NCKAP5: variants seen among roughly 807,000 people sequenced by gnomAD.
NCKAP5 encodes the protein NCK associated protein 5, also known as nck-associated protein 5.
A neutral mutation model predicts 167.0 loss-of-function variants in NCKAP5; 92 were observed. That is an observed-to-expected ratio of 0.55 (90% CI 0.47 to 0.66). The LOEUF is 0.66. NCKAP5 is among the 30% of genes least tolerant of loss of function. NCKAP5 has a pLI of 0.00. For missense variants in NCKAP5, 2,378 were observed against 2,315.0 expected (o/e 1.03, Z -0.56); for synonymous variants, 891 against 877.4 (o/e 1.02, Z -0.27).
intron 5 of NCKAP5, among the ~76,000 whole-genome samples, chr2:133,192,798 T>C (rs1003734121): frequency 1.3e-5 from 2 of 152,048 alleles, no homozygotes; most frequent in Admixed American, 6.6e-5. Flanking sequence ...ACTCATACAT[T>C]GTTGGTAGGA....
Position 133,477,111 on chromosome 2 carries a change from T to G in NCKAP5, c.69+40347A>C, listed in dbSNP as rs555960830. Among the ~76,000 whole-genome samples, 7 of 152,344 alleles carry G rather than the reference T, an allele frequency of 4.6e-5. No homozygotes were observed. In the South Asian group the frequency reaches 1.4e-3, roughly 32 times the overall value. ...TACTCCCTTATGGAGAAACTTAAGG[T>G]TGGATTAAACTATCCTAGTCAGCAA... On this transcript the variant is annotated intron_variant, in intron 3 of 19. Transcript: ENST00000409261.
chr2:132,698,634 A>G (rs1687564385), intron 19 of NCKAP5, among the ~76,000 whole-genome samples: 1 of 152,154 alleles, frequency 6.6e-6, no homozygotes, highest in East Asian at 1.9e-4. Context: ...GGAGATCAAG[A>G]CTATCCTGGC....
chr2:133,444,251 C>T (rs1280193069), intron 3 of NCKAP5, among the ~76,000 whole-genome samples: 2 of 152,024 alleles, frequency 1.3e-5, no homozygotes, highest in African/African-American at 4.8e-5. Context: ...AGACTCACAG[C>T]GTCTTAGGGC....
chr2:132,882,161 G>A (rs1558895754), intron 8 of NCKAP5, among the ~76,000 whole-genome samples: 1 of 152,148 alleles, frequency 6.6e-6, no homozygotes, highest in African/African-American at 2.4e-5. Flanking sequence ...AAAAAGAGAT[G>A]TTCTAGGACC....
chr2:133,553,246 G>T (rs1467610781), intron 2 of NCKAP5, among the ~76,000 whole-genome samples: 1 of 152,194 alleles, frequency 6.6e-6, no homozygotes, highest in African/African-American at 2.4e-5. Flanking sequence ...TTAAGCACAG[G>T]CAGTAAATCG....
chr2:133,106,184 T>C (rs554993679), intron 6 of NCKAP5, among the ~76,000 whole-genome samples: 12 of 143,778 alleles, frequency 8.3e-5, no homozygotes, highest in Admixed American at 5.0e-4. Context: ...TCCCAGCTAC[T>C]CGGGAGGCTG....
intron 16 of NCKAP5, among the ~76,000 whole-genome samples, chr2:132,766,602 G>T (rs1179560764): frequency 6.6e-6 from 1 of 152,158 alleles, no homozygotes; most frequent in Non-Finnish European, 1.5e-5. Context: ...TTCTATTAGG[G>T]CTTTGATACA....
intron 6 of NCKAP5, among the ~76,000 whole-genome samples, chr2:133,111,722 C>T (rs994263092): frequency 6.6e-6 from 1 of 152,206 alleles, no homozygotes; most frequent in African/African-American, 2.4e-5. Context: ...ATCCAGATAG[C>T]TGTTTCTTTC....
At chr2:133,636,140 G>A in the NCKAP5 span, among the ~76,000 whole-genome samples, 1 of 152,160 alleles carries the variant, frequency 6.6e-6, no homozygotes, top group East Asian at 1.9e-4. Context: ...GTACTGTGGC[G>A]ATAAAAAACT....
At chr2:133,045,947 T>G (rs57006946) in intron 6 of NCKAP5, among the ~76,000 whole-genome samples, 4 of 152,124 alleles carry the variant, frequency 2.6e-5, no homozygotes, top group Non-Finnish European at 5.9e-5. Context: ...GACAGTTGAT[T>G]TGATAAGCAC....
At chr2:133,656,852 A>G in the NCKAP5 span, among the ~76,000 whole-genome samples, 38 of 152,092 alleles carry the variant, frequency 2.5e-4, no homozygotes, top group East Asian at 7.4e-3. Flanking sequence ...GTGATTTGTG[A>G]GATTTTGGGG....
intron 4 of NCKAP5, among the ~76,000 whole-genome samples, chr2:133,230,549 G>T (rs2087096957): frequency 6.6e-6 from 1 of 152,102 alleles, no homozygotes; most frequent in Non-Finnish European, 1.5e-5. Context: ...TGTTACACTG[G>T]TCACCCTGAG....
chr2:133,538,905 T>TTGGTTTTTTTTG (rs1558765767), intron 2 of NCKAP5, among the ~76,000 whole-genome samples: 2 of 147,052 alleles, frequency 1.4e-5, no homozygotes, highest in Non-Finnish European at 3.0e-5. Context: ...TAGTTTTTTT[T>TTGGTTTTTTTTG]TGGTTTTTTT....
chr2:132,802,033 C>A (rs7589754), intron 11 of NCKAP5, among the ~76,000 whole-genome samples: 7,594 of 152,266 alleles, frequency 0.05, 379 homozygotes, highest in East Asian at 0.13. Context: ...CTGCCGTAGA[C>A]TCCCGAAGTG....
chr2:133,220,158 C>A (rs967349658), intron 4 of NCKAP5, among the ~76,000 whole-genome samples: 2 of 152,232 alleles, frequency 1.3e-5, no homozygotes, highest in Non-Finnish European at 2.9e-5. Context: ...AGTTCATCTG[C>A]TGGAAACAGA....
intron 6 of NCKAP5, among the ~76,000 whole-genome samples, chr2:133,026,378 GTTT>G (rs34476973): frequency 0.11 from 15,679 of 143,992 alleles, 1,066 homozygotes; most frequent in East Asian, 0.34. Flanking sequence ...CTGTTCTAGT[GTTT>G]TTTTTTTTTT....
chr2:132,870,481 A>G (rs1045913792), intron 9 of NCKAP5, among the ~76,000 whole-genome samples: 1 of 152,092 alleles, frequency 6.6e-6, no homozygotes, highest in African/African-American at 2.4e-5. Flanking sequence ...CATTTATCCA[A>G]TATAAATTTT....
chr2:133,155,638 C>T (rs571145695), intron 5 of NCKAP5, among the ~76,000 whole-genome samples: 6 of 152,230 alleles, frequency 3.9e-5, no homozygotes, highest in East Asian at 3.9e-4. Flanking sequence ...ATTTTTTAGA[C>T]GACATTAACA....
At position 132,782,376 on chromosome 2, in the gene NCKAP5, A is replaced by G. The variant is rs753352255; in HGVS notation, c.4435T>C (p.Cys1479Arg). 6.2e-7 allele frequency: 1 copy of G among 1,614,014 alleles called. No individual in the cohort carries two copies. The highest frequency in any genetic ancestry group is 8.5e-7 in the Non-Finnish European group (1 of 1,179,910). ...CCCTTTTCCACATTTTCCTGAATGC[A>G]CAACATGACCTTTTCTTCGATTGTG... ...SPTIEEKVML[C>R]IQENVEKGQV... The change falls in exon 14 of 20, where the codon TGC (cysteine) becomes CGC (arginine). Residue 1479 changes from cysteine to arginine, a missense_variant. Cys to Arg is a radical substitution (Grantham distance 180, BLOSUM62 -3). Coordinates refer to ENST00000409261, the MANE Select transcript of NCKAP5 (RefSeq NM_207363.3).
Sources: allele counts gnomAD v4.1 joint callset (sites outside exome capture counted in the v4.1 genomes callset), GRCh38; gene constraint gnomAD v4.1.1; transcripts MANE v1.5; gene names NCBI Gene and HGNC (gene_info 2026-07-23, HGNC 2026-07-21).